Variants in TRAPPC10 observed in about 807,000 individuals in gnomAD.
TRAPPC10 encodes the protein trafficking protein particle complex subunit 10.
Under a neutral mutation model 125.5 loss-of-function variants are expected in TRAPPC10, and 23 were observed. That is an observed-to-expected ratio of 0.18 (90% confidence interval 0.13 to 0.26). TRAPPC10 has a LOEUF of 0.26. Ranked by LOEUF, TRAPPC10 falls within the 10% of genes least tolerant of loss-of-function variation. The pLI, the probability that TRAPPC10 is intolerant of heterozygous loss-of-function variation, is 1.00. For synonymous variants in TRAPPC10, 509 were observed against 518.0 expected, an observed-to-expected ratio of 0.98 and a Z score of 0.24; for missense variants, 1,123 against 1,308.4, an observed-to-expected ratio of 0.86 and a Z score of 2.19.
In TRAPPC10 at chr21:44,012,454, C is replaced by T; in HGVS notation, c.-40C>T. On this transcript the variant is annotated 5_prime_UTR_variant, in exon 1 of 23. Coordinates refer to ENST00000291574, the MANE Select transcript of TRAPPC10 (RefSeq NM_003274.5). ...GGCCCGGCGCGGCCTCGGGGCTGCC[C>T]ATGGGGCGCGGGGGGCCGGGCCGGT... 2.2e-6 allele frequency: 3 copies of T among 1,385,228 alleles called. No individual in the cohort carries two copies. Among genetic ancestry groups the T allele is most frequent in the Non-Finnish European group, 2.9e-6 (3 of 1,049,284 alleles). 85.8% of individuals were successfully genotyped at this position (1,385,228 alleles called of 1,614,324 possible). A position where few individuals can be genotyped will look rare whatever the true frequency, so the allele number is the denominator to read the frequency against.
At chr21:44,080,257 A>G (rs113279250) in intron 13 of TRAPPC10, 130 bp downstream of exon 13, 12 of 770,812 alleles carry the variant, frequency 1.6e-5, no homozygotes, top group African/African-American at 7.0e-5. Flanking sequence ...ACATGTATCT[A>G]TGTCTTTCAC....
chr21:44,079,454 C>A, intron 11 of TRAPPC10, 110 bp from the exon 12 acceptor site: 3 of 1,269,420 alleles, frequency 2.4e-6, no homozygotes, highest in Non-Finnish European at 3.2e-6. Flanking sequence ...GATGTTGAGT[C>A]TGTCCTGGCA....
At chr21:44,090,640 G>A (rs1201054117) in intron 18 of TRAPPC10, among the ~76,000 whole-genome samples, 1 of 152,112 alleles carries the variant, frequency 6.6e-6, no homozygotes, top group Non-Finnish European at 1.5e-5. Context: ...TGACTGCACC[G>A]GGAGGCCCAC....
At chr21:44,066,129 C>G (rs1386960477) in intron 7 of TRAPPC10, among the ~76,000 whole-genome samples, 1 of 152,214 alleles carries the variant, frequency 6.6e-6, no homozygotes, top group African/African-American at 2.4e-5. Context: ...GCAGATCCCA[C>G]TGTCCCACTT....
intron 7 of TRAPPC10, among the ~76,000 whole-genome samples, chr21:44,066,649 C>CT (rs1263619441): frequency 6.6e-6 from 1 of 152,090 alleles, no homozygotes; most frequent in Non-Finnish European, 1.5e-5. Flanking sequence ...AAGAGGTTCC[C>CT]TTTTTTTGTC....
intron 3 of TRAPPC10, among the ~76,000 whole-genome samples, chr21:44,050,443 G>A (rs754872221): frequency 1.3e-5 from 2 of 152,166 alleles, no homozygotes; most frequent in African/African-American, 4.8e-5. Flanking sequence ...TGGTGGCCTT[G>A]TAAGAGGTGG....
intron 7 of TRAPPC10, among the ~76,000 whole-genome samples, chr21:44,064,785 A>T (rs2036318427): frequency 6.6e-6 from 1 of 152,156 alleles, no homozygotes; most frequent in African/African-American, 2.4e-5. Context: ...TTTCAAAAGG[A>T]GAAGTTCTTA....
chr21:44,073,940 GTAAA>G (rs1456226216), intron 7 of TRAPPC10, among the ~76,000 whole-genome samples: 1 of 151,872 alleles, frequency 6.6e-6, no homozygotes, highest in African/African-American at 2.4e-5. Flanking sequence ...CACTCTTGGA[GTAAA>G]TGATCATATT....
intron 7 of TRAPPC10, among the ~76,000 whole-genome samples, chr21:44,072,196 A>G (rs2036917445): frequency 6.6e-6 from 1 of 152,232 alleles, no homozygotes; most frequent in African/African-American, 2.4e-5. Context: ...TTTTGGTGGT[A>G]TCATTTGGGA....
At chr21:44,044,118 A>C (rs886998003) in intron 3 of TRAPPC10, among the ~76,000 whole-genome samples, 1 of 152,230 alleles carries the variant, frequency 6.6e-6, no homozygotes, top group African/African-American at 2.4e-5. Flanking sequence ...ATTGCCTTGA[A>C]TAAGTTGTTA....
intron 1 of TRAPPC10, 78 bp downstream of exon 1, chr21:44,012,638 A>T: frequency 7.6e-7 from 1 of 1,315,982 alleles, no homozygotes; most frequent in Non-Finnish European, 1.0e-6. Flanking sequence ...CGGCGCCCCC[A>T]GACCTTCAGC....
intron 1 of TRAPPC10, among the ~76,000 whole-genome samples, chr21:44,027,861 C>T (rs960044333): frequency 5.9e-5 from 9 of 152,132 alleles, no homozygotes; most frequent in African/African-American, 1.7e-4. Context: ...CCCCAGAGAT[C>T]TCCCTTGCCC....
At chr21:44,080,181 A>G in intron 13 of TRAPPC10, 54 bp downstream of exon 13, 2 of 1,470,024 alleles carry the variant, frequency 1.4e-6, no homozygotes, top group Non-Finnish European at 9.4e-7. Context: ...TTACAGAAGT[A>G]AAAAAGAATA....
chr21:44,047,035 C>A (rs527783733), intron 3 of TRAPPC10: 53 of 725,232 alleles, frequency 7.3e-5, no homozygotes, highest in Non-Finnish European at 1.0e-4. Context: ...ACCTTACTGC[C>A]AGCCATTTCG....
intron 17 of TRAPPC10, 179 bp downstream of exon 17, chr21:44,088,107 A>G (rs1041283580): frequency 1.3e-5 from 8 of 622,240 alleles, no homozygotes; most frequent in Non-Finnish European, 2.2e-5. Context: ...TAAGGGGTGC[A>G]TTTTTTGCAA....
rs59383418 is a variant in TRAPPC10, at chr21:44,088,981, T to G, written c.2770-852T>G. 8 of 99,456 alleles carry G rather than the reference T, an allele frequency of 8.0e-5. 1 individual carries two copies. Among genetic ancestry groups the G allele is most frequent in the African/African-American group, 4.0e-4 (7 of 17,474 alleles). 6.2% of individuals were successfully genotyped at this position (99,456 alleles called of 1,614,324 possible). On this transcript the variant is annotated intron_variant, in intron 17 of 22. Transcript: ENST00000291574. ...TGTGCTGTGTGCCGTGTTATCCTCT[T>G]TTCCCTGGCACTGGCGGCACCTGTG... is the stretch of plus-strand genomic sequence containing the variant.
At chr21:44,057,741 C>G (rs1443078463) in intron 5 of TRAPPC10, among the ~76,000 whole-genome samples, 3 of 152,174 alleles carry the variant, frequency 2.0e-5, no homozygotes, top group South Asian at 2.1e-4. Flanking sequence ...GTTTCTCTTG[C>G]AAAACACAGC....
chr21:44,079,086 C>G (rs561956989), intron 11 of TRAPPC10, among the ~76,000 whole-genome samples: 14 of 152,154 alleles, frequency 9.2e-5, no homozygotes, highest in Non-Finnish European at 1.8e-4. Context: ...CTTCCGCTTG[C>G]GCCCTGTAGA....
Position 44,063,312 on chromosome 21 carries a change from C to G in TRAPPC10, c.791-226C>G. The G allele has an allele frequency of 1.7e-6, 2 of 1,164,338 alleles. No homozygotes were observed. Among genetic ancestry groups the G allele is most frequent in the Non-Finnish European group, 2.3e-6 (2 of 868,544 alleles). 72.1% of individuals were successfully genotyped at this position (1,164,338 alleles called of 1,614,324 possible). ...CTGTTCAGCTCCCGCCCATGACTTTCTGGGCATGGTAGGGTGGTGTGCCTT... is the reference window on the plus strand; with the variant it reads ...CTGTTCAGCTCCCGCCCATGACTTTGTGGGCATGGTAGGGTGGTGTGCCTT... On this transcript the variant is annotated intron_variant, in intron 6 of 22. Coordinates refer to ENST00000291574, the MANE Select transcript of TRAPPC10 (RefSeq NM_003274.5). The surrounding 1 kb of genome is among the most constrained non-coding windows in gnomAD (Gnocchi z 4.4).
Sources: allele counts gnomAD v4.1 joint callset (sites outside exome capture counted in the v4.1 genomes callset), GRCh38; gene constraint gnomAD v4.1.1; non-coding constraint Gnocchi (gnomAD v3.1); transcripts MANE v1.5; gene names NCBI Gene and HGNC (gene_info 2026-07-23, HGNC 2026-07-21).